NIPAL3: variants seen among roughly 807,000 people sequenced by gnomAD.
The protein encoded by NIPAL3 is NIPA like domain containing 3, also known as NIPA-like protein 3.
A neutral mutation model predicts 47.2 loss-of-function variants in NIPAL3; 41 were observed. The ratio of observed to expected loss-of-function variants is 0.87; its 90% CI spans 0.68 to 1.13. NIPAL3 has a LOEUF of 1.13. Ranked by LOEUF, NIPAL3 falls within the 50% of genes most tolerant of loss-of-function variation. The probability of loss-of-function intolerance (pLI) is 0.00; values close to 1 mark genes in which losing one functional copy is unlikely to be tolerated. For missense variants in NIPAL3, 449 were observed against 530.1 expected (o/e 0.85, Z 1.50); for synonymous variants, 194 against 209.6 (o/e 0.93, Z 0.64).
chr1:24,440,579 C>T (rs1477264566), intron 3 of NIPAL3, among the ~76,000 whole-genome samples: 54 of 152,198 alleles, frequency 3.5e-4, no homozygotes, highest in Non-Finnish European at 1.5e-4. Flanking sequence ...AATTACAGCA[C>T]TGTTCATTAC....
Position 24,428,296 on chromosome 1 carries a change from GAGAGAGAC to G in NIPAL3, c.93+8658_93+8665del, listed in dbSNP as rs1244439104. 1.4e-3 allele frequency among the ~76,000 whole-genome samples: 190 copies of G among 135,460 alleles called. 4 individuals carry two copies. The highest frequency in any genetic ancestry group is 0.011 in the East Asian group (53 of 4,616). The allele number at this position is 135,460 out of a possible 152,430, so 88.9% of individuals were successfully genotyped here. A position where few individuals can be genotyped will look rare whatever the true frequency, so the allele number is the denominator to read the frequency against. ...AGAGAGAGAGAGAGAGAGAGAGAGA[GAGAGAGAC>G]ACCAGAACCTTTCCCCAAAGCCAGC... is the stretch of plus-strand genomic sequence containing the variant. On this transcript the variant is annotated intron_variant, in intron 2 of 11. Coordinates refer to ENST00000374399, the MANE Select transcript of NIPAL3 (RefSeq NM_020448.5).
intron 9 of NIPAL3, 63 bp from the exon 10 acceptor site, chr1:24,460,418 C>A: frequency 2.9e-6 from 4 of 1,362,782 alleles, no homozygotes; most frequent in Non-Finnish European, 3.1e-6. Context: ...AAATCCTAGA[C>A]AGACTGGCAG....
At chr1:24,456,596 C>G (rs1394302513) in intron 8 of NIPAL3, among the ~76,000 whole-genome samples, 1 of 151,928 alleles carries the variant, frequency 6.6e-6, no homozygotes, top group African/African-American at 2.4e-5. Context: ...ACTAAAAATA[C>G]AAAAAAATAA....
intron 5 of NIPAL3, among the ~76,000 whole-genome samples, chr1:24,447,854 C>G (rs1645744924): frequency 6.6e-6 from 1 of 152,218 alleles, no homozygotes; most frequent in Non-Finnish European, 1.5e-5. Flanking sequence ...GGATTTTAGC[C>G]CATCTCACCT....
At chr1:24,444,739 G>T (rs990056668) in intron 4 of NIPAL3, among the ~76,000 whole-genome samples, 14 of 152,290 alleles carry the variant, frequency 9.2e-5, no homozygotes, top group African/African-American at 3.4e-4. Context: ...CGGGGGAAAT[G>T]TCAGAGGTGG....
chr1:24,449,763 T>G lies in NIPAL3; in HGVS notation c.540+137T>G. 2 of 908,006 alleles carry G rather than the reference T, an allele frequency of 2.2e-6. No homozygotes were observed. Among genetic ancestry groups the G allele is most frequent in the Non-Finnish European group, 3.3e-6 (2 of 610,870 alleles). 56.2% of individuals were successfully genotyped at this position (908,006 alleles called of 1,614,324 possible). A position where few individuals can be genotyped will look rare whatever the true frequency, so the allele number is the denominator to read the frequency against. On this transcript the variant is annotated intron_variant, in intron 6 of 11. Transcript: ENST00000374399. The surrounding 1 kb of genome is among the most constrained non-coding windows in gnomAD (Gnocchi z 4.5). ...TTACCAGCATGAAAGACCGTGCTTC[T>G]GGAGAGTACACAGCTCATGGCGAAA...
intron 6 of NIPAL3, 78 bp from the exon 7 acceptor site, chr1:24,453,330 G>A: frequency 1.1e-6 from 1 of 936,718 alleles, no homozygotes; most frequent in African/African-American, 1.6e-5. Context: ...CTCTGGTGAT[G>A]GCCCAGCCCA....
chr1:24,461,580 G>T (rs952114565), intron 10 of NIPAL3, among the ~76,000 whole-genome samples: 2 of 150,482 alleles, frequency 1.3e-5, no homozygotes, highest in African/African-American at 5.0e-5. Context: ...TAAAAATTTG[G>T]CCTTGGCCGG....
At chr1:24,428,069 G>A (rs981088187) in intron 2 of NIPAL3, among the ~76,000 whole-genome samples, 1 of 152,094 alleles carries the variant, frequency 6.6e-6, no homozygotes, top group Non-Finnish European at 1.5e-5. Flanking sequence ...GTGAAACACC[G>A]TCTCTACTAA....
chr1:24,425,233 G>C (rs1478916392), intron 2 of NIPAL3, among the ~76,000 whole-genome samples: 1 of 152,220 alleles, frequency 6.6e-6, no homozygotes, highest in Non-Finnish European at 1.5e-5. Context: ...GATCAAGCTT[G>C]TCCAACCCAC....
intron 7 of NIPAL3, among the ~76,000 whole-genome samples, chr1:24,455,754 T>C (rs542268162): frequency 2.6e-5 from 4 of 152,246 alleles, no homozygotes; most frequent in Non-Finnish European, 5.9e-5. Context: ...ACACATGTTT[T>C]TCCTGTGGTT....
At position 24,469,191 on chromosome 1, in the gene NIPAL3, G is replaced by C. The variant is rs773042716; in HGVS notation, c.*6G>C. 15 of 1,611,482 alleles carry C rather than the reference G, an allele frequency of 9.3e-6. No homozygotes were observed. The African/African-American group carries it at 1.9e-4, about 20-fold the overall frequency. ...AGCACACCAAGAAGGAATGAGACTC[G>C]CCTCCCTCTATTTATAACTGTCCCC... On this transcript the variant is annotated 3_prime_UTR_variant, in exon 12 of 12. Transcript: ENST00000374399.
At chr1:24,421,619 T>C (rs1306846804) in intron 2 of NIPAL3, among the ~76,000 whole-genome samples, 1 of 152,254 alleles carries the variant, frequency 6.6e-6, no homozygotes, top group Non-Finnish European at 1.5e-5. Context: ...GTTCGTCACA[T>C]GCCTTTCCTT....
chr1:24,446,664 C>T (rs1645684208), intron 5 of NIPAL3, among the ~76,000 whole-genome samples: 1 of 152,098 alleles, frequency 6.6e-6, no homozygotes, highest in Admixed American at 6.5e-5. Context: ...TTCTTTATCC[C>T]TCTGTCATTG....
chr1:24,428,866 T>C (rs1007537067), intron 2 of NIPAL3, among the ~76,000 whole-genome samples: 1 of 152,120 alleles, frequency 6.6e-6, no homozygotes, highest in Non-Finnish European at 1.5e-5. Flanking sequence ...GTCCCACCCT[T>C]CCCTGCCACA....
At chr1:24,456,910 A>G (rs2235560) in intron 8 of NIPAL3, among the ~76,000 whole-genome samples, 78,639 of 151,776 alleles carry the variant, frequency 0.52, 20,496 homozygotes, top group East Asian at 0.76. Context: ...CTACAGGTGT[A>G]TGCCACCACA....
chr1:24,437,053 C>T (rs958503594), intron 2 of NIPAL3, among the ~76,000 whole-genome samples: 2 of 151,972 alleles, frequency 1.3e-5, no homozygotes, highest in Non-Finnish European at 2.9e-5. Flanking sequence ...AGATTGAGAC[C>T]ATCCTGGATA....
chr1:24,462,998 T>C (rs1646542745), intron 10 of NIPAL3, among the ~76,000 whole-genome samples: 1 of 149,128 alleles, frequency 6.7e-6, no homozygotes, highest in Non-Finnish European at 1.5e-5. Flanking sequence ...TACAAAATAC[T>C]AAAAATACAA....
intron 1 of NIPAL3, among the ~76,000 whole-genome samples, chr1:24,417,206 C>G (rs151025399): frequency 2.0e-5 from 3 of 152,096 alleles, no homozygotes; most frequent in Admixed American, 2.0e-4. Flanking sequence ...TGGGCTAGAT[C>G]TCATTTAGTC....
Sources: gnomAD v4.1 joint callset for allele counts (sites outside exome capture counted in the v4.1 genomes callset) on GRCh38, gnomAD v4.1.1 for gene constraint, Gnocchi (gnomAD v3.1) non-coding constraint, MANE v1.5 for transcripts, NCBI Gene and HGNC (gene_info 2026-07-23, HGNC 2026-07-21) for gene names.